Variants in CAPZB observed in about 807,000 individuals in gnomAD.
CAPZB encodes capping actin protein of muscle Z-line subunit beta, also known as F-actin-capping protein subunit beta.
In CAPZB, 2 loss-of-function variants were observed where a neutral mutation model predicts 38.1. That is an observed-to-expected ratio of 0.05 (90% CI 0.02 to 0.17). CAPZB has a LOEUF of 0.17. CAPZB is among the 10% of genes least tolerant of loss of function. CAPZB has a pLI of 1.00. For missense variants in CAPZB, 161 were observed against 334.2 expected (o/e 0.48, Z 4.04); for synonymous variants, 107 against 127.4 (o/e 0.84, Z 1.08).
At chr1:19,374,679 C>G (rs1470125763) in intron 4 of CAPZB, among the ~76,000 whole-genome samples, 1 of 152,222 alleles carries the variant, frequency 6.6e-6, no homozygotes, top group African/African-American at 2.4e-5. Context: ...GAGGCTCTGG[C>G]CATCTCTCAC....
intron 1 of CAPZB, among the ~76,000 whole-genome samples, chr1:19,453,966 G>A (rs111636082): frequency 1.2e-4 from 19 of 152,304 alleles, no homozygotes; most frequent in South Asian, 8.3e-4. Flanking sequence ...TGGGACTCAC[G>A]CCCAGGCAGC....
In CAPZB at chr1:19,357,812, G is replaced by A. The variant is rs1297363575; in HGVS notation, c.330-249C>T. Among the ~76,000 whole-genome samples, 2 of 152,112 alleles carry A rather than the reference G, an allele frequency of 1.3e-5. No individual in the cohort carries two copies. Among genetic ancestry groups the A allele is most frequent in the Non-Finnish European group, 2.9e-5 (2 of 68,028 alleles). ...GGACTCTGCCACCTCCTCTATCTGT[G>A]TGGTCTTTGGCTTACTGAACCTCTC... On this transcript the variant is annotated intron_variant, in intron 4 of 8. Coordinates refer to ENST00000264202, the MANE Select transcript of CAPZB (RefSeq NM_004930.5). The surrounding 1 kb of genome is among the most constrained non-coding windows in gnomAD (Gnocchi z 4.3).
intron 6 of CAPZB, among the ~76,000 whole-genome samples, chr1:19,355,637 G>A (rs992754058): frequency 6.6e-6 from 1 of 152,256 alleles, no homozygotes; most frequent in African/African-American, 2.4e-5. Context: ...AGGGACTGCT[G>A]GAACTGAGAA....
At chr1:19,377,745 T>C (rs2094151024) in intron 4 of CAPZB, among the ~76,000 whole-genome samples, 1 of 152,246 alleles carries the variant, frequency 6.6e-6, no homozygotes, top group South Asian at 2.1e-4. Flanking sequence ...TTCTGTTGAT[T>C]ATGGCTAACT....
At chr1:19,470,911 C>G (rs1181089484) in intron 1 of CAPZB, among the ~76,000 whole-genome samples, 1 of 152,192 alleles carries the variant, frequency 6.6e-6, no homozygotes, top group Non-Finnish European at 1.5e-5. Flanking sequence ...ACCACCTGGC[C>G]TGCCTTCCTA....
intron 1 of CAPZB, 125 bp downstream of exon 1, chr1:19,485,311 G>T: frequency 1.6e-6 from 1 of 620,358 alleles, no homozygotes; most frequent in Non-Finnish European, 2.3e-6. Context: ...TCCACCCAGG[G>T]TCCGGGACCC....
chr1:19,390,717 G>A (rs547275598), intron 2 of CAPZB, among the ~76,000 whole-genome samples: 3 of 152,274 alleles, frequency 2.0e-5, no homozygotes, highest in Admixed American at 6.5e-5. Context: ...AACTAGGGCA[G>A]GGAAAAGAAA....
At chr1:19,403,408 G>C (rs1021463472) in intron 2 of CAPZB, among the ~76,000 whole-genome samples, 12 of 152,226 alleles carry the variant, frequency 7.9e-5, no homozygotes, top group Non-Finnish European at 1.5e-4. Context: ...GCAGTTAGAG[G>C]GAGCAGAGTT....
intron 1 of CAPZB, among the ~76,000 whole-genome samples, chr1:19,476,112 C>T (rs2094605483): frequency 6.6e-6 from 1 of 152,162 alleles, no homozygotes; most frequent in South Asian, 2.1e-4. Flanking sequence ...TCCCTTGAGC[C>T]CACAAGTTCG....
intron 1 of CAPZB, chr1:19,424,315 G>A (rs1482458021): frequency 2.0e-5 from 3 of 152,182 alleles, no homozygotes; most frequent in South Asian, 2.1e-4. Context: ...CATCATCAAC[G>A]TGATGCTTAA....
chr1:19,459,193 A>G (rs2094542654), intron 1 of CAPZB, among the ~76,000 whole-genome samples: 1 of 152,194 alleles, frequency 6.6e-6, no homozygotes, highest in South Asian at 2.1e-4. Context: ...AATTTTACTC[A>G]ACAAAGTAAA....
intron 1 of CAPZB, among the ~76,000 whole-genome samples, chr1:19,432,056 A>AAG (rs1553285007): frequency 0.084 from 7,154 of 85,048 alleles, 607 homozygotes; most frequent in African/African-American, 0.26. Flanking sequence ...AAAAAAAAAA[A>AAG]AAAAAAAAAG....
intron 4 of CAPZB, among the ~76,000 whole-genome samples, chr1:19,364,293 T>TCCTGACATTC (rs1459726430): frequency 6.6e-6 from 1 of 152,244 alleles, no homozygotes; most frequent in Non-Finnish European, 1.5e-5. Context: ...GGTGGTTGCA[T>TCCTGACATTC]CAGGGCCTGT....
chr1:19,476,546 C>T (rs1028632792), intron 1 of CAPZB, among the ~76,000 whole-genome samples: 1 of 152,176 alleles, frequency 6.6e-6, no homozygotes, highest in African/African-American at 2.4e-5. Context: ...CTTTGTCACC[C>T]AATAGTCCCC....
At chr1:19,374,490 T>A (rs2094135036) in intron 4 of CAPZB, 1 of 152,362 alleles carries the variant, frequency 6.6e-6, no homozygotes, top group Non-Finnish European at 1.5e-5. Context: ...GTCAACACAG[T>A]CTGCTCTTCC....
At chr1:19,417,863 A>G (rs574114212) in intron 2 of CAPZB, among the ~76,000 whole-genome samples, 1 of 152,262 alleles carries the variant, frequency 6.6e-6, no homozygotes, top group Non-Finnish European at 1.5e-5. Flanking sequence ...TCTGCTGGGC[A>G]CTGTGGCTCA....
At chr1:19,354,807 TAC>T (rs774141483) in intron 6 of CAPZB, among the ~76,000 whole-genome samples, 69 of 152,200 alleles carry the variant, frequency 4.5e-4, no homozygotes, top group Non-Finnish European at 8.5e-4. Context: ...AGTCTCTGGA[TAC>T]AGATTCAGGA....
Position 19,407,064 on chromosome 1 carries a change from T to C in CAPZB, c.93+12597A>G, listed in dbSNP as rs146190518. 2.6e-5 allele frequency among the ~76,000 whole-genome samples: 4 copies of C among 152,282 alleles called. No individual in the cohort carries two copies. In the East Asian group the frequency reaches 5.8e-4, roughly 22 times the overall value. ...TGCTCCTAACCAAGCATTTCAGGCA[T>C]CCTCAGACTAACAGCCTAGAAACAC... On this transcript the variant is annotated intron_variant, in intron 2 of 8. Transcript: ENST00000264202.
chr1:19,380,596 G>C (rs1017451540), intron 3 of CAPZB, among the ~76,000 whole-genome samples: 1 of 152,246 alleles, frequency 6.6e-6, no homozygotes, highest in South Asian at 2.1e-4. Flanking sequence ...CTGCCCAACA[G>C]AACTTCCTGA....
Sources: allele counts gnomAD v4.1 joint callset (sites outside exome capture counted in the v4.1 genomes callset), GRCh38; gene constraint gnomAD v4.1.1; non-coding constraint Gnocchi (gnomAD v3.1); transcripts MANE v1.5; gene names NCBI Gene and HGNC (gene_info 2026-07-23, HGNC 2026-07-21).